Variants in RBFOX1 observed in about 807,000 individuals in gnomAD.
RBFOX1 encodes the protein RNA binding protein fox-1 homolog 1.
A neutral mutation model predicts 57.7 loss-of-function variants in RBFOX1; 8 were observed. The observed-to-expected ratio is 0.14, with a 90% confidence interval of 0.08 to 0.25. RBFOX1 has a LOEUF of 0.25. Among genes scored for constraint, RBFOX1 ranks in the 10% least tolerant of loss-of-function variants. The probability of loss-of-function intolerance (pLI) is 1.00; values close to 1 mark genes in which losing one functional copy is unlikely to be tolerated. For missense variants in RBFOX1, 611 were observed against 548.5 expected (o/e 1.11, Z -1.14); for synonymous variants, 326 against 222.4 (o/e 1.47, Z -4.15).
chr16:6,674,747 C>T (rs1320375463), intron 3 of RBFOX1, among the ~76,000 whole-genome samples: 2 of 152,168 alleles, frequency 1.3e-5, no homozygotes, highest in Non-Finnish European at 2.9e-5. Context: ...ACGAGGGGTG[C>T]TGGCCACCAG....
Position 7,642,688 on chromosome 16 carries a change from G to GT in RBFOX1, c.758-11117dup, listed in dbSNP as rs201346544. The stretch of plus-strand genomic sequence containing the variant: ...TAAAGTAATTATATAAATTATTTGG[G>GT]TTTTTTTTTTCCGTGGTTTCCCGGG... On this transcript the variant is annotated intron_variant, in intron 11 of 15. Coordinates refer to ENST00000550418, the MANE Select transcript of RBFOX1 (RefSeq NM_018723.4). Among the ~76,000 whole-genome samples, 416 of 149,358 alleles carry GT rather than the reference G, an allele frequency of 2.8e-3. 2 individuals are homozygous for GT. The highest frequency in any genetic ancestry group is 9.3e-3 in the African/African-American group (380 of 40,698).
chr16:7,131,372 A>G (rs1410865588), intron 4 of RBFOX1, among the ~76,000 whole-genome samples: 1 of 148,606 alleles, frequency 6.7e-6, no homozygotes, highest in Non-Finnish European at 1.5e-5. Context: ...TTTAAAAAAA[A>G]AAAAAAAGAA....
intron 14 of RBFOX1, among the ~76,000 whole-genome samples, chr16:7,697,327 C>T (rs1444289132): frequency 2.6e-5 from 4 of 152,122 alleles, no homozygotes; most frequent in African/African-American, 9.7e-5. Context: ...AATGTCCACT[C>T]CCCACTCTTG....
At chr16:7,209,546 T>G (rs941514732) in intron 4 of RBFOX1, among the ~76,000 whole-genome samples, 2 of 152,206 alleles carry the variant, frequency 1.3e-5, no homozygotes, top group African/African-American at 4.8e-5. Flanking sequence ...CTGCTCTCAG[T>G]GCAAACATTA....
chr16:7,553,642 T>TC (rs1474168899), intron 5 of RBFOX1, among the ~76,000 whole-genome samples: 2 of 152,138 alleles, frequency 1.3e-5, no homozygotes, highest in African/African-American at 2.4e-5. Flanking sequence ...GGTGCACAAC[T>TC]CATTTCAGAA....
chr16:5,471,417 G>A (rs983881702), intron 2 of RBFOX1, among the ~76,000 whole-genome samples: 3 of 152,176 alleles, frequency 2.0e-5, no homozygotes, highest in Admixed American at 2.0e-4. Context: ...GTTGAGTGGT[G>A]TCCTTTTTCT....
chr16:6,317,835 T>G (rs1342094658), intron 2 of RBFOX1, among the ~76,000 whole-genome samples: 2 of 152,206 alleles, frequency 1.3e-5, no homozygotes. Context: ...AATAATTTAA[T>G]TATAAATATC....
chr16:7,390,694 G>C (rs1016596212), intron 4 of RBFOX1, among the ~76,000 whole-genome samples: 1 of 152,152 alleles, frequency 6.6e-6, no homozygotes, highest in African/African-American at 2.4e-5. Context: ...TCAATATGCT[G>C]TCTCTTTACA....
intron 3 of RBFOX1, among the ~76,000 whole-genome samples, chr16:7,022,162 T>C (rs998446369): frequency 6.7e-6 from 1 of 149,024 alleles, no homozygotes; most frequent in Non-Finnish European, 1.5e-5. Flanking sequence ...TCCTGGGTTA[T>C]AAATGATCCT....
At chr16:7,341,611 C>T (rs1424511827) in intron 4 of RBFOX1, among the ~76,000 whole-genome samples, 1 of 152,164 alleles carries the variant, frequency 6.6e-6, no homozygotes, top group African/African-American at 2.4e-5. Flanking sequence ...CAGGTTTATG[C>T]ACAGTCCAAA....
intron 4 of RBFOX1, among the ~76,000 whole-genome samples, chr16:7,077,439 C>G (rs900030026): frequency 6.6e-6 from 1 of 152,144 alleles, no homozygotes. Flanking sequence ...GCATCAAAAG[C>G]ACAGAGTCTC....
At chr16:7,067,739 T>C (rs1291767113) in intron 4 of RBFOX1, among the ~76,000 whole-genome samples, 1 of 132,800 alleles carries the variant, frequency 7.5e-6, no homozygotes, top group Non-Finnish European at 1.5e-5. Flanking sequence ...CCTGTGTCCA[T>C]GTGTTCTCAT....
intron 1 of RBFOX1, among the ~76,000 whole-genome samples, chr16:6,300,991 T>C (rs1211943161): frequency 6.6e-6 from 1 of 152,186 alleles, no homozygotes; most frequent in African/African-American, 2.4e-5. Context: ...CCAAATGGAT[T>C]AATGAGTGGA....
rs185171995 is a variant in RBFOX1, at chr16:7,038,781, T to G, written c.-15-13276T>G. ...TGTTTGTCTGTCTGATTAATCTGTCTGGACCTGGGGGACTTCTTTTGTTGA... is the reference window on the plus strand; with the variant it reads ...TGTTTGTCTGTCTGATTAATCTGTCGGGACCTGGGGGACTTCTTTTGTTGA... On this transcript the variant is annotated intron_variant, in intron 3 of 15. Coordinates refer to ENST00000550418, the MANE Select transcript of RBFOX1 (RefSeq NM_018723.4). Among the ~76,000 whole-genome samples the G allele has an allele frequency of 2.3e-3, 345 of 152,318 alleles. 2 individuals are homozygous for G. The highest frequency in any genetic ancestry group is 8.0e-3 in the African/African-American group (331 of 41,580).
chr16:6,113,331 A>C (rs1464014580), intron 1 of RBFOX1, among the ~76,000 whole-genome samples: 1 of 152,228 alleles, frequency 6.6e-6, no homozygotes, highest in East Asian at 1.9e-4. Context: ...TTATGTGGCC[A>C]AATCCAAGGT....
downstream of RBFOX1, among the ~76,000 whole-genome samples, chr16:5,600,942 A>C (rs2047345635): frequency 6.6e-6 from 1 of 152,082 alleles, no homozygotes; most frequent in Non-Finnish European, 1.5e-5. Context: ...CCAAAACTCA[A>C]AGTAATTGCC....
intron 14 of RBFOX1, among the ~76,000 whole-genome samples, chr16:7,695,782 A>C (rs2078627718): frequency 6.6e-6 from 1 of 152,124 alleles, no homozygotes; most frequent in Admixed American, 6.6e-5. Context: ...TATCTACTGG[A>C]TATCAGAGTT....
At chr16:7,569,359 C>T (rs574773435) in intron 5 of RBFOX1, among the ~76,000 whole-genome samples, 1 of 152,126 alleles carries the variant, frequency 6.6e-6, no homozygotes, top group Admixed American at 6.6e-5. Context: ...CCTTTCCTGG[C>T]CCCTGAAGGC....
intron 4 of RBFOX1, among the ~76,000 whole-genome samples, chr16:7,456,103 C>G (rs759896220): frequency 6.6e-6 from 1 of 152,168 alleles, no homozygotes; most frequent in African/African-American, 2.4e-5. Context: ...TTTGAACAAG[C>G]GTTCCTACAT....
Sources: allele counts gnomAD v4.1 joint callset (sites outside exome capture counted in the v4.1 genomes callset), GRCh38; gene constraint gnomAD v4.1.1; transcripts MANE v1.5; gene names NCBI Gene and HGNC (gene_info 2026-07-23, HGNC 2026-07-21).